PPP1R3A: variants seen among roughly 807,000 people sequenced by gnomAD.
PPP1R3A encodes protein phosphatase 1 regulatory subunit 3A, also known as RG1.
A neutral mutation model predicts 41.7 loss-of-function variants in PPP1R3A; 29 were observed. The observed-to-expected ratio is 0.70, with a 90% CI of 0.52 to 0.95. The LOEUF (loss-of-function observed/expected upper bound fraction) is 0.95, where lower values mean the gene tolerates loss of function less well. Among genes scored for constraint, PPP1R3A ranks in the 40% least tolerant of loss-of-function variants. The pLI is 0.00. For synonymous variants in PPP1R3A, 485 were observed against 453.4 expected, an observed-to-expected ratio of 1.07 and a Z score of -0.89; for missense variants, 1,352 against 1,292.4, an observed-to-expected ratio of 1.05 and a Z score of -0.71.
rs868855672 is a variant in PPP1R3A at position 113,913,803 on chromosome 7, T to C, written c.782+4412A>G. Among the ~76,000 whole-genome samples the C allele has an allele frequency of 7.2e-5, 11 of 152,226 alleles. No individual in the cohort carries two copies. The Middle Eastern group carries it at 0.021, about 284-fold the overall frequency. On this transcript the variant is annotated intron_variant, in intron 1 of 3. Coordinates refer to ENST00000284601, the MANE Select transcript of PPP1R3A (RefSeq NM_002711.4). Reference sequence around the variant, plus strand: ...AAACCTCAAGTGGAAATAATTCTTATTTCATTTTTTATCTATGGCTTCTAC... The same window carrying C: ...AAACCTCAAGTGGAAATAATTCTTACTTCATTTTTTATCTATGGCTTCTAC...
At chr7:113,903,785 T>C (rs887633519) in intron 1 of PPP1R3A, among the ~76,000 whole-genome samples, 11 of 151,870 alleles carry the variant, frequency 7.2e-5, no homozygotes, top group Non-Finnish European at 1.5e-4. Flanking sequence ...TACAACTCTT[T>C]TTCAATCTTG....
In PPP1R3A at chr7:113,882,139, C is replaced by T. The variant is rs770671323; in HGVS notation, c.866G>A (p.Cys289Tyr). Residue 289 changes from cysteine (C) to tyrosine (Y), a missense_variant, in exon 3 of 4, where the codon TGT (cysteine) becomes TAT (tyrosine). Cys to Tyr is a radical substitution (Grantham distance 194, BLOSUM62 -2). Coordinates refer to ENST00000284601, the MANE Select transcript of PPP1R3A (RefSeq NM_002711.4). ...CAAATCTTCCTTGTCCTCATGAGAA[C>T]AAATGATTGTTGGGATATAGGTATC... ...NTDTYIPTII[C>Y]SHEDKEDLEA... 28 of 1,611,582 alleles carry T rather than the reference C, an allele frequency of 1.7e-5. No homozygotes were observed. Among genetic ancestry groups the T allele is most frequent in the Non-Finnish European group, 2.3e-5 (27 of 1,178,238 alleles).
chr7:113,905,646 C>T (rs977986476), intron 1 of PPP1R3A, among the ~76,000 whole-genome samples: 1 of 151,776 alleles, frequency 6.6e-6, no homozygotes. Context: ...CATTTAGATG[C>T]ATTGCATTAC....
At chr7:113,896,445 T>C (rs1584414011) in intron 1 of PPP1R3A, among the ~76,000 whole-genome samples, 1 of 151,902 alleles carries the variant, frequency 6.6e-6, no homozygotes, top group African/African-American at 2.4e-5. Context: ...GCTTGCACCG[T>C]TTTGACTAAA....
intron 1 of PPP1R3A, among the ~76,000 whole-genome samples, chr7:113,886,705 A>G (rs1217522052): frequency 6.6e-6 from 1 of 152,178 alleles, no homozygotes; most frequent in African/African-American, 2.4e-5. Context: ...ATTTATGAAG[A>G]TAGAGTACTC....
intron 1 of PPP1R3A, among the ~76,000 whole-genome samples, chr7:113,900,803 T>C (rs965360267): frequency 6.7e-6 from 1 of 148,926 alleles, no homozygotes; most frequent in Non-Finnish European, 1.5e-5. Context: ...TATATATGTA[T>C]ATATACTCCT....
chr7:113,879,922 G>T lies in PPP1R3A; in HGVS notation c.1170C>A (p.Cys390Ter), dbSNP rs771743186. 8 of 1,613,386 alleles carry T rather than the reference G, an allele frequency of 5.0e-6. No homozygotes were observed. The highest frequency in any genetic ancestry group is 3.3e-5 in the Admixed American group (2 of 59,928). Residue 390 changes from cysteine to a stop codon, truncating the protein, a stop_gained, in exon 4 of 4, where the codon TGC (cysteine) becomes TGA (stop). Coordinates refer to ENST00000284601, the MANE Select transcript of PPP1R3A (RefSeq NM_002711.4). LOFTEE classifies it low-confidence loss of function (END_TRUNC). ...AESSVKGDFY[C>*]NEKYSSGDDC... The stretch of plus-strand genomic sequence containing the variant: ...CATCTCCTGAGGAATATTTTTCATT[G>T]CAGTAAAAATCTCCCTTTACGGAGC...
chr7:113,877,712 T>C lies in PPP1R3A; in HGVS notation c.*11A>G, dbSNP rs1361640213. ...TAGCTTATCTTTTAAGAGAGAATAG[T>C]AGTGCTGAGGTTACTTCTTTTTGAC... On this transcript the variant is annotated 3_prime_UTR_variant, in exon 4 of 4. Transcript: ENST00000284601. 1 of 1,533,054 alleles carries C rather than the reference T, an allele frequency of 6.5e-7. No individual in the cohort carries two copies. Among genetic ancestry groups the C allele is most frequent in the Non-Finnish European group, 8.7e-7 (1 of 1,144,642 alleles). The allele number at this position is 1,533,054 out of a possible 1,614,324, so 95.0% of individuals were successfully genotyped here.
intron 1 of PPP1R3A, among the ~76,000 whole-genome samples, chr7:113,906,595 C>A (rs1274351619): frequency 6.6e-6 from 1 of 151,740 alleles, no homozygotes; most frequent in African/African-American, 2.4e-5. Context: ...TAGGGAGCAT[C>A]TGATTTTTAA....
At chr7:113,883,999 A>G (rs1796739520) in intron 1 of PPP1R3A, among the ~76,000 whole-genome samples, 1 of 151,992 alleles carries the variant, frequency 6.6e-6, no homozygotes, top group African/African-American at 2.4e-5. Flanking sequence ...ATAGGAGAAA[A>G]ACTTCAAATT....
intron 1 of PPP1R3A, among the ~76,000 whole-genome samples, chr7:113,897,704 G>C (rs1417946569): frequency 4.0e-5 from 6 of 151,794 alleles, no homozygotes; most frequent in Non-Finnish European, 8.8e-5. Context: ...AAGACAACTT[G>C]CCCCATTGAA....
chr7:113,886,990 C>T (rs1278832028), intron 1 of PPP1R3A, among the ~76,000 whole-genome samples: 1 of 152,120 alleles, frequency 6.6e-6, no homozygotes, highest in Non-Finnish European at 1.5e-5. Context: ...ATAATAGTGG[C>T]ATAAGAAATG....
chr7:113,898,071 G>A (rs573872738), intron 1 of PPP1R3A, among the ~76,000 whole-genome samples: 22 of 151,874 alleles, frequency 1.4e-4, no homozygotes, highest in African/African-American at 4.6e-4. Context: ...GACTCAATCC[G>A]TCTATTGGAT....
chr7:113,902,603 C>G (rs189204749), intron 1 of PPP1R3A, among the ~76,000 whole-genome samples: 1 of 151,824 alleles, frequency 6.6e-6, no homozygotes, highest in Non-Finnish European at 1.5e-5. Context: ...CCTGTTCACT[C>G]CCTTCTTAGA....
intron 1 of PPP1R3A, among the ~76,000 whole-genome samples, chr7:113,884,122 T>A (rs1341165609): frequency 6.6e-6 from 1 of 151,904 alleles, no homozygotes; most frequent in African/African-American, 2.4e-5. Context: ...TAAAATTATA[T>A]CAAAGAATGT....
At chr7:113,914,102 C>T (rs1020080391) in intron 1 of PPP1R3A, among the ~76,000 whole-genome samples, 1 of 152,094 alleles carries the variant, frequency 6.6e-6, no homozygotes, top group Admixed American at 6.6e-5. Flanking sequence ...AGGACATTAG[C>T]TGAACAAGAT....
At chr7:113,898,461 T>C (rs1797010354) in intron 1 of PPP1R3A, among the ~76,000 whole-genome samples, 1 of 151,664 alleles carries the variant, frequency 6.6e-6, no homozygotes, top group African/African-American at 2.4e-5. Flanking sequence ...TCAAGGGGCA[T>C]GGTAGTGAGA....
chr7:113,883,301 T>C (rs1308355113), intron 1 of PPP1R3A, among the ~76,000 whole-genome samples: 5 of 151,992 alleles, frequency 3.3e-5, no homozygotes, highest in Non-Finnish European at 5.9e-5. Context: ...ATCTGGAAAG[T>C]TGGCAATGGC....
At chr7:113,891,101 A>C (rs4730604) in intron 1 of PPP1R3A, among the ~76,000 whole-genome samples, 61,313 of 115,158 alleles carry the variant, frequency 0.53, 16,090 homozygotes, top group South Asian at 0.64. Flanking sequence ...AAAAAAAAAA[A>C]AAAAAAAAAA....
Sources: allele counts gnomAD v4.1 joint callset (sites outside exome capture counted in the v4.1 genomes callset), GRCh38; gene constraint gnomAD v4.1.1; transcripts MANE v1.5; gene names NCBI Gene and HGNC (gene_info 2026-07-23, HGNC 2026-07-21).